DLC1: variants seen among roughly 807,000 people sequenced by gnomAD.
DLC1 encodes rho GTPase-activating protein 7.
A neutral mutation model predicts 140.3 loss-of-function variants in DLC1; 54 were observed. The observed-to-expected ratio is 0.38, with a 90% CI of 0.31 to 0.48. DLC1 has a LOEUF of 0.48. Among genes scored for constraint, DLC1 ranks in the 20% least tolerant of loss-of-function variants. The probability of loss-of-function intolerance (pLI) is 0.96; values close to 1 mark genes in which losing one functional copy is unlikely to be tolerated. For missense variants in DLC1, 2,536 were observed against 1,907.0 expected (o/e 1.33, Z -6.14); for synonymous variants, 986 against 728.1 (o/e 1.35, Z -5.70).
At chr8:13,123,677 T>A (rs1821313010) in intron 5 of DLC1, among the ~76,000 whole-genome samples, 1 of 152,118 alleles carries the variant, frequency 6.6e-6, no homozygotes, top group Non-Finnish European at 1.5e-5. Flanking sequence ...CCTGTTTTAT[T>A]TTTTCTTCTT....
At chr8:13,389,575 A>G (rs946500503) in intron 4 of DLC1, among the ~76,000 whole-genome samples, 1 of 152,094 alleles carries the variant, frequency 6.6e-6, no homozygotes, top group South Asian at 2.1e-4. Context: ...TCATTTTTTT[A>G]TGAAATATAC....
chr8:13,134,134 A>G (rs1322232484), intron 5 of DLC1, among the ~76,000 whole-genome samples: 1 of 152,216 alleles, frequency 6.6e-6, no homozygotes, highest in Non-Finnish European at 1.5e-5. Context: ...GATGGCCTGT[A>G]GTTTGAGGAC....
intron 4 of DLC1, among the ~76,000 whole-genome samples, chr8:13,319,169 C>G (rs1290229741): frequency 6.6e-6 from 1 of 152,172 alleles, no homozygotes; most frequent in African/African-American, 2.4e-5. Context: ...AAAACTGTTT[C>G]TGATTAGAAG....
intron 2 of DLC1, among the ~76,000 whole-genome samples, chr8:13,453,072 G>T (rs1167404328): frequency 6.6e-6 from 1 of 151,696 alleles, no homozygotes; most frequent in Non-Finnish European, 1.5e-5. Context: ...TTTTATAGAA[G>T]AAATGAGAAA....
intron 15 of DLC1, 33 bp downstream of exon 15, chr8:13,090,219 A>C: frequency 1.3e-6 from 2 of 1,596,620 alleles, no homozygotes; most frequent in Non-Finnish European, 1.7e-6. Context: ...CGACTCCTGG[A>C]CTCAACTAGC....
At chr8:13,543,230 T>A (rs1000711102) in intron 1 of DLC1, among the ~76,000 whole-genome samples, 10 of 152,174 alleles carry the variant, frequency 6.6e-5, no homozygotes, top group African/African-American at 2.2e-4. Flanking sequence ...GTAGGAAATC[T>A]TTTTTTGTAT....
At chr8:13,478,180 T>G (rs1800525122) in intron 2 of DLC1, among the ~76,000 whole-genome samples, 1 of 152,058 alleles carries the variant, frequency 6.6e-6, no homozygotes, top group Admixed American at 6.6e-5. Context: ...AGGGAGGCCT[T>G]AGGAAGCTTA....
At chr8:13,466,978 C>G (rs1372030551) in intron 2 of DLC1, among the ~76,000 whole-genome samples, 1 of 150,464 alleles carries the variant, frequency 6.6e-6, no homozygotes, top group African/African-American at 2.4e-5. Flanking sequence ...GTTATTGACT[C>G]TATATGTGAG....
intron 5 of DLC1, among the ~76,000 whole-genome samples, chr8:13,203,263 G>C (rs949881899): frequency 6.6e-6 from 1 of 152,246 alleles, no homozygotes; most frequent in African/African-American, 2.4e-5. Context: ...ATTAAGTGTC[G>C]ATAATTACCA....
chr8:13,485,082 C>T (rs1207644087), intron 2 of DLC1, among the ~76,000 whole-genome samples: 1 of 152,116 alleles, frequency 6.6e-6, no homozygotes, highest in African/African-American at 2.4e-5. Flanking sequence ...TATGATTCAC[C>T]TTAAGTGTGG....
At chr8:13,309,139 T>C (rs530518352) in intron 4 of DLC1, among the ~76,000 whole-genome samples, 160 of 152,358 alleles carry the variant, frequency 1.1e-3, no homozygotes, top group South Asian at 1.7e-3. Flanking sequence ...ATATGTTTCA[T>C]TTGAACTGCA....
At chr8:13,301,861 T>TA (rs2117506134) in intron 5 of DLC1, among the ~76,000 whole-genome samples, 1 of 152,266 alleles carries the variant, frequency 6.6e-6, no homozygotes, top group East Asian at 1.9e-4. Flanking sequence ...GTGCACTCCT[T>TA]ATGATGATCT....
At chr8:13,335,061 A>G (rs1833763282) in intron 4 of DLC1, among the ~76,000 whole-genome samples, 1 of 152,190 alleles carries the variant, frequency 6.6e-6, no homozygotes, top group Non-Finnish European at 1.5e-5. Flanking sequence ...GTCTGGACTC[A>G]GGAGAGAGGT....
intron 2 of DLC1, among the ~76,000 whole-genome samples, chr8:13,456,845 A>C (rs1443383117): frequency 6.6e-6 from 1 of 152,178 alleles, no homozygotes; most frequent in Non-Finnish European, 1.5e-5. Flanking sequence ...CTTAGCTGTG[A>C]TTATAGTACT....
At chr8:13,313,218 A>G (rs1337968038) in intron 4 of DLC1, among the ~76,000 whole-genome samples, 7 of 152,132 alleles carry the variant, frequency 4.6e-5, no homozygotes, top group African/African-American at 1.7e-4. Context: ...GAACACGAGG[A>G]TGAACCTCAT....
At chr8:13,188,825 A>G (rs1357710086) in intron 5 of DLC1, among the ~76,000 whole-genome samples, 2,102 of 37,052 alleles carry the variant, frequency 0.057, 62 homozygotes, top group African/African-American at 0.11. Flanking sequence ...ATATATATAT[A>G]TGTATATATA....
intron 4 of DLC1, among the ~76,000 whole-genome samples, chr8:13,337,525 G>A (rs1403839883): frequency 6.6e-6 from 1 of 152,086 alleles, no homozygotes; most frequent in Non-Finnish European, 1.5e-5. Context: ...ATCATGAATT[G>A]TAAATAGATG....
chr8:13,196,447 CTCATTACTGCACATAGGCCAT>C (rs1335113746), intron 5 of DLC1, among the ~76,000 whole-genome samples: 1 of 152,070 alleles, frequency 6.6e-6, no homozygotes, highest in East Asian at 1.9e-4. Flanking sequence ...AGGTCTATTG[CTCATTACTGCACATAGGCCAT>C]TATTTGGGAG....
intron 6 of DLC1, 53 bp downstream of exon 6, chr8:13,115,533 G>A (rs1389891655): frequency 6.6e-6 from 10 of 1,507,092 alleles, no homozygotes; most frequent in Non-Finnish European, 7.3e-6. Context: ...TAATACTCGC[G>A]AACAAGGGAT....
Sources: gnomAD v4.1 joint callset for allele counts (sites outside exome capture counted in the v4.1 genomes callset) on GRCh38, gnomAD v4.1.1 for gene constraint, MANE v1.5 for transcripts, NCBI Gene and HGNC (gene_info 2026-07-23, HGNC 2026-07-21) for gene names.